FOSL2: variants seen among roughly 807,000 people sequenced by gnomAD.
The protein encoded by FOSL2 is fos-related antigen 2.
In FOSL2, 3 loss-of-function variants were observed where a neutral mutation model predicts 27.7. The observed-to-expected ratio is 0.11, with a 90% CI of 0.05 to 0.28. FOSL2 has a LOEUF of 0.28. Ranked by LOEUF, FOSL2 falls within the 10% of genes least tolerant of loss-of-function variation. FOSL2 has a pLI of 1.00. For synonymous variants in FOSL2, 179 were observed against 190.1 expected (o/e 0.94, Z 0.48); for missense variants, 333 against 445.1 (o/e 0.75, Z 2.27).
intron 3 of FOSL2, among the ~76,000 whole-genome samples, chr2:28,411,180 A>G (rs1262094010): frequency 6.6e-6 from 1 of 151,694 alleles, no homozygotes; most frequent in Non-Finnish European, 1.5e-5. Flanking sequence ...AATTGGAGTG[A>G]AAAAAGGGAG....
chr2:28,402,156 G>C lies in FOSL2; in HGVS notation c.103-1951G>C, dbSNP rs145880624. 2.0e-4 allele frequency among the ~76,000 whole-genome samples: 30 copies of C among 152,090 alleles called. No individual in the cohort carries two copies. The East Asian group carries it at 5.4e-3, about 27-fold the overall frequency. Reference sequence around the variant, plus strand: ...ATCCCAGAACCCATTGCTCTAGGTGGCTCTCCTCCCGAATCCCAGAATGCA... The same window carrying C: ...ATCCCAGAACCCATTGCTCTAGGTGCCTCTCCTCCCGAATCCCAGAATGCA... On this transcript the variant is annotated intron_variant, in intron 1 of 3. Coordinates refer to ENST00000264716, the MANE Select transcript of FOSL2 (RefSeq NM_005253.4).
Position 28,393,932 on chromosome 2 carries a change from G to A in FOSL2, c.102+110G>A, listed in dbSNP as rs998276731. The A allele has an allele frequency of 1.7e-5, 13 of 774,784 alleles. No homozygotes were observed. The highest frequency in any genetic ancestry group is 1.6e-4 in the African/African-American group (9 of 55,010). The allele number at this position is 774,784 out of a possible 1,614,324, so 48.0% of individuals were successfully genotyped here. On this transcript the variant is annotated intron_variant, in intron 1 of 3. Transcript: ENST00000264716. The surrounding 1 kb of genome is among the most constrained non-coding windows in gnomAD (Gnocchi z 4.6). ...TTTTTCTTGGCGAGAAAATACCTAC[G>A]GGCCACCGTTGTAAGTTCTGGATTT...
At position 28,404,095 on chromosome 2, in the gene FOSL2, T is replaced by C. The variant is rs1558567368; in HGVS notation, c.103-12T>C. 10 of 1,613,900 alleles carry C rather than the reference T, an allele frequency of 6.2e-6. No individual in the cohort carries two copies. In the East Asian group the frequency reaches 1.1e-4, roughly 18 times the overall value. ...TTTATTGGCTCATTTGTATTTTTTT[T>C]CCTCATTTCAGAAATTCCGGGTAGA... On this transcript the variant is annotated splice_polypyrimidine_tract_variant and intron_variant, in intron 1 of 3. Transcript: ENST00000264716. This position sits in a 1 kb window ranked among gnomAD's most constrained non-coding sequence, Gnocchi z 4.7.
chr2:28,404,320 A>T lies in FOSL2; in HGVS notation c.316A>T (p.Ile106Phe), dbSNP rs1215968211. Residue 106 changes from isoleucine (I) to phenylalanine (F), a missense_variant, in exon 2 of 4, where the codon ATT (isoleucine) becomes TTT (phenylalanine). Ile to Phe is a conservative substitution (Grantham distance 21). Transcript: ENST00000264716. The surrounding 1 kb of genome is among the most constrained non-coding windows in gnomAD (Gnocchi z 4.7). ...CCCAAGACCTGGCGTGATCAAGACC[A>T]TTGGCACCACCGTGGGCCGCAGGAG... Reference protein sequence around the residue: ...ALPRPGVIKTIGTTVGRRRRD... With the variant: ...ALPRPGVIKTFGTTVGRRRRD... 1 of 1,614,178 alleles carries T rather than the reference A, an allele frequency of 6.2e-7. No individual in the cohort carries two copies. The highest frequency in any genetic ancestry group is 2.2e-5 in the East Asian group (1 of 44,882).
At chr2:28,394,050 T>G (rs1312695802) in intron 1 of FOSL2, among the ~76,000 whole-genome samples, 1 of 150,070 alleles carries the variant, frequency 6.7e-6, no homozygotes, top group Non-Finnish European at 1.5e-5. Flanking sequence ...CACGTTATAT[T>G]TTACCCAGAT....
At position 28,404,858 on chromosome 2, in the gene FOSL2, T is replaced by A. The variant is rs552555877; in HGVS notation, c.354+500T>A. On this transcript the variant is annotated intron_variant, in intron 2 of 3. Coordinates refer to ENST00000264716, the MANE Select transcript of FOSL2 (RefSeq NM_005253.4). The surrounding 1 kb of genome is among the most constrained non-coding windows in gnomAD (Gnocchi z 4.7). ...CACGACTTCCCATTCCTCCTCAGTG[T>A]TCTAGGCCTCCAACTCGGAGCAGGA... Among the ~76,000 whole-genome samples the A allele has an allele frequency of 8.3e-4, 127 of 152,312 alleles. 1 individual carries two copies. The South Asian group carries it at 0.026, about 31-fold the overall frequency.
rs1318688699 is a variant in FOSL2 at position 28,412,671 on chromosome 2, AG to A, written c.*224del. On this transcript the variant is annotated 3_prime_UTR_variant, in exon 4 of 4. Coordinates refer to ENST00000264716, the MANE Select transcript of FOSL2 (RefSeq NM_005253.4). The surrounding 1 kb of genome is among the most constrained non-coding windows in gnomAD (Gnocchi z 7.1). ...GACCTCCTCCCTCATTCATCTTGCA[AG>A]CAAATCCCATTTCTTGAAAAGCCTT... 1.8e-6 allele frequency: 1 copy of A among 547,528 alleles called. No individual in the cohort carries two copies. The highest frequency in any genetic ancestry group is 3.2e-6 in the Non-Finnish European group (1 of 307,782). 33.9% of individuals were successfully genotyped at this position (547,528 alleles called of 1,614,324 possible). A position where few individuals can be genotyped will look rare whatever the true frequency, so the allele number is the denominator to read the frequency against.
In FOSL2 at chr2:28,416,892, A is replaced by G. The variant is rs1030841534; in HGVS notation, c.*4444A>G. ...AGTCAGCTGTAAGACTCTGGAGGCA[A>G]ACAAGTTGTATATGGTTCATATGGC... is the stretch of plus-strand genomic sequence containing the variant. On this transcript the variant is annotated 3_prime_UTR_variant, in exon 4 of 4. Coordinates refer to ENST00000264716, the MANE Select transcript of FOSL2 (RefSeq NM_005253.4). 6.6e-6 allele frequency: 1 copy of G among 151,890 alleles called. No individual in the cohort carries two copies. Among genetic ancestry groups the G allele is most frequent in the Non-Finnish European group, 1.5e-5 (1 of 68,004 alleles). 9.4% of individuals were successfully genotyped at this position (151,890 alleles called of 1,614,324 possible). A position where few individuals can be genotyped will look rare whatever the true frequency, so the allele number is the denominator to read the frequency against.
rs906460725 is a variant in FOSL2, at chr2:28,399,154, C to T, written c.103-4953C>T. On this transcript the variant is annotated intron_variant, in intron 1 of 3. Coordinates refer to ENST00000264716, the MANE Select transcript of FOSL2 (RefSeq NM_005253.4). ...TTACAGAGTCCACAGGGCTTCATGG[C>T]TTGAATGCTTGATAACCCAGACAAA... 2.0e-5 allele frequency among the ~76,000 whole-genome samples: 3 copies of T among 152,214 alleles called. No homozygotes were observed. The East Asian group carries it at 5.8e-4, about 29-fold the overall frequency.
At chr2:28,394,364 T>C (rs1024047529) in intron 1 of FOSL2, among the ~76,000 whole-genome samples, 1 of 152,174 alleles carries the variant, frequency 6.6e-6, no homozygotes, top group Non-Finnish European at 1.5e-5. Flanking sequence ...GGGCGAGGGC[T>C]GCCGCTCTGG....
At position 28,408,427 on chromosome 2, in the gene FOSL2, G is replaced by A. The variant is rs978581366; in HGVS notation, c.355-332G>A. 3.9e-5 allele frequency among the ~76,000 whole-genome samples: 6 copies of A among 152,162 alleles called. No homozygotes were observed. The highest frequency in any genetic ancestry group is 7.3e-5 in the Non-Finnish European group (5 of 68,038). On this transcript the variant is annotated intron_variant, in intron 2 of 3. Coordinates refer to ENST00000264716, the MANE Select transcript of FOSL2 (RefSeq NM_005253.4). The surrounding 1 kb of genome is among the most constrained non-coding windows in gnomAD (Gnocchi z 4.1). ...AAGCATCCCCAGCTCCTTCTCTCTGGCCTGAGCACTGAATCAGGGCTGATG... is the reference window on the plus strand; with the variant it reads ...AAGCATCCCCAGCTCCTTCTCTCTGACCTGAGCACTGAATCAGGGCTGATG...
In FOSL2 at chr2:28,412,169, G is replaced by T; in HGVS notation, c.702G>T (p.Ser234=). 1 of 1,607,380 alleles carries T rather than the reference G, an allele frequency of 6.2e-7. No individual in the cohort carries two copies. The highest frequency in any genetic ancestry group is 8.5e-7 in the Non-Finnish European group (1 of 1,176,156). ...EPLEEDSPSS[S]SAGLDKAQRS... ...TGGAAGAGGACAGCCCCTCGTCCTC[G>T]TCGGCGGGGCTGGACAAGGCCCAGC... The change falls in exon 4 of 4, where the codon TCG becomes TCT. Residue 234 remains serine, a synonymous_variant. Coordinates refer to ENST00000264716, the MANE Select transcript of FOSL2 (RefSeq NM_005253.4). The surrounding 1 kb of genome is among the most constrained non-coding windows in gnomAD (Gnocchi z 7.1).
In FOSL2 at chr2:28,392,915, A is replaced by G; in HGVS notation, c.-806A>G. On this transcript the variant is annotated 5_prime_UTR_variant, in exon 1 of 4. Coordinates refer to ENST00000264716, the MANE Select transcript of FOSL2 (RefSeq NM_005253.4). ...TCCGAGCGAACCAGCGAGCGAGCGA[A>G]CGAGCGGCGCTCGGCGGGGACAGAA... The G allele has an allele frequency of 1.4e-6, 1 of 710,924 alleles. No homozygotes were observed. The highest frequency in any genetic ancestry group is 2.7e-5 in the East Asian group (1 of 36,864). The allele number at this position is 710,924 out of a possible 1,614,324, so 44.0% of individuals were successfully genotyped here.
Position 28,413,903 on chromosome 2 carries a change from C to T in FOSL2, c.*1455C>T. ...AGATAGGATGTTTTGCTTCCCACTG[C>T]AGGAGAGCTGCCCCCTTTCACGGGG... On this transcript the variant is annotated 3_prime_UTR_variant, in exon 4 of 4. Transcript: ENST00000264716. 1 of 398,572 alleles carries T rather than the reference C, an allele frequency of 2.5e-6. No individual in the cohort carries two copies. The highest frequency in any genetic ancestry group is 4.4e-6 in the Non-Finnish European group (1 of 226,148). The allele number at this position is 398,572 out of a possible 1,614,324, so 24.7% of individuals were successfully genotyped here.
chr2:28,403,344 A>G (rs149189915), intron 1 of FOSL2, among the ~76,000 whole-genome samples: 39 of 152,324 alleles, frequency 2.6e-4, no homozygotes, highest in African/African-American at 9.1e-4. Context: ...AAACTGCACT[A>G]GCAGCACCAG....
At chr2:28,407,710 G>A (rs190765681) in intron 2 of FOSL2, among the ~76,000 whole-genome samples, 96 of 152,354 alleles carry the variant, frequency 6.3e-4, no homozygotes, top group African/African-American at 1.8e-3. Context: ...TGCAGTCAAC[G>A]TCTGATAACT....
In FOSL2 at chr2:28,413,251, A is replaced by C. The variant is rs1664240759; in HGVS notation, c.*803A>C. 1 of 377,250 alleles carries C rather than the reference A, an allele frequency of 2.7e-6. No homozygotes were observed. Among genetic ancestry groups the C allele is most frequent in the Non-Finnish European group, 4.7e-6 (1 of 212,976 alleles). The allele number at this position is 377,250 out of a possible 1,614,324, so 23.4% of individuals were successfully genotyped here. A position where few individuals can be genotyped will look rare whatever the true frequency, so the allele number is the denominator to read the frequency against. ...TGGGTTTGCCAAACGCCTAATTACC[A>C]GGCCAGGAAGCATGCCAACAAAGCC... On this transcript the variant is annotated 3_prime_UTR_variant, in exon 4 of 4. Transcript: ENST00000264716.
At position 28,417,212 on chromosome 2, in the gene FOSL2, A is replaced by G. The variant is rs1664327127; in HGVS notation, c.*4764A>G. 6.6e-6 allele frequency: 1 copy of G among 152,066 alleles called. No homozygotes were observed. Among genetic ancestry groups the G allele is most frequent in the African/African-American group, 2.4e-5 (1 of 41,396 alleles). 9.4% of individuals were successfully genotyped at this position (152,066 alleles called of 1,614,324 possible). A position where few individuals can be genotyped will look rare whatever the true frequency, so the allele number is the denominator to read the frequency against. Reference sequence around the variant, plus strand: ...CTTGCTGCTATGGAAGAAAGAACATATTAAAACTTCTTTCCCTTGCGATTT... The same window carrying G: ...CTTGCTGCTATGGAAGAAAGAACATGTTAAAACTTCTTTCCCTTGCGATTT... On this transcript the variant is annotated 3_prime_UTR_variant, in exon 4 of 4. Transcript: ENST00000264716.
intron 1 of FOSL2, among the ~76,000 whole-genome samples, chr2:28,400,222 G>A (rs1175993033): frequency 6.6e-6 from 1 of 152,168 alleles, no homozygotes; most frequent in Non-Finnish European, 1.5e-5. Flanking sequence ...GCATGCAGCA[G>A]GTTTGAAACT....
Sources: gnomAD v4.1 joint callset for allele counts (sites outside exome capture counted in the v4.1 genomes callset) on GRCh38, gnomAD v4.1.1 for gene constraint, Gnocchi (gnomAD v3.1) non-coding constraint, MANE v1.5 for transcripts, NCBI Gene and HGNC (gene_info 2026-07-23, HGNC 2026-07-21) for gene names.